The following ATG10 variants were observed in gnomAD, a reference collection of about 807,000 sequenced individuals.
ATG10 encodes autophagy related 10.
Under a neutral mutation model 32.1 loss-of-function variants are expected in ATG10, and 30 were observed. The observed-to-expected ratio is 0.94, with a 90% CI of 0.70 to 1.27. The LOEUF (loss-of-function observed/expected upper bound fraction) is 1.27, where lower values mean the gene tolerates loss of function less well. Among genes scored for constraint, ATG10 ranks in the 50% most tolerant of loss-of-function variants. The pLI is 0.00. For missense variants in ATG10, 233 were observed against 262.3 expected, an observed-to-expected ratio of 0.89 and a Z score of 0.77; for synonymous variants, 87 against 91.5, an observed-to-expected ratio of 0.95 and a Z score of 0.28.
Position 82,120,755 on chromosome 5 carries a change from G to A in ATG10, c.217-43644G>A, listed in dbSNP as rs558015489. Among the ~76,000 whole-genome samples the A allele has an allele frequency of 2.2e-3, 341 of 152,042 alleles. 1 individual carries two copies. The highest frequency in any genetic ancestry group is 7.9e-3 in the African/African-American group (329 of 41,460). On this transcript the variant is annotated intron_variant, in intron 3 of 7. Transcript: ENST00000282185. ...AGGCAACATTCAGTCTCCTTTGGCT[G>A]AGCAGAAGACTAAAGACTTGACCTC...
chr5:82,096,446 C>G (rs1352773620), intron 3 of ATG10, among the ~76,000 whole-genome samples: 2 of 152,150 alleles, frequency 1.3e-5, no homozygotes, highest in East Asian at 3.9e-4. Context: ...GCCTCACAAT[C>G]TTTTCCAGTC....
chr5:82,002,292 C>A (rs1442254513), intron 2 of ATG10, among the ~76,000 whole-genome samples: 1 of 152,096 alleles, frequency 6.6e-6, no homozygotes, highest in Non-Finnish European at 1.5e-5. Context: ...TATCAGGATT[C>A]CAAATATATT....
Position 82,252,656 on chromosome 5 carries a change from A to G in ATG10, c.548A>G (p.Asn183Ser). 2 of 1,560,140 alleles carry G rather than the reference A, an allele frequency of 1.3e-6. No homozygotes were observed. The highest frequency in any genetic ancestry group is 1.8e-6 in the Non-Finnish European group (2 of 1,140,386). ...TPVLKNSQKINKNVNYITSWL... is the reference protein window; with the variant it reads ...TPVLKNSQKISKNVNYITSWL... ...GTATTAAAGAATTCTCAGAAAATCA[A>G]TAAGTAAGAAACACCATCAAGATAC... The change falls in exon 6 of 8, where the codon AAT becomes AGT. Residue 183 changes from asparagine (N) to serine (S), a missense_variant. By Grantham distance (46) the Asn-to-Ser change is conservative. Coordinates refer to ENST00000282185, the MANE Select transcript of ATG10 (RefSeq NM_031482.5).
intron 5 of ATG10, among the ~76,000 whole-genome samples, chr5:82,202,944 G>A (rs1745126641): frequency 6.6e-6 from 1 of 151,956 alleles, no homozygotes; most frequent in South Asian, 2.1e-4. Flanking sequence ...AGAAGTAATG[G>A]GGGGCTGGGT....
intron 3 of ATG10, among the ~76,000 whole-genome samples, chr5:82,095,933 AT>A (rs949064256): frequency 4.6e-5 from 7 of 152,176 alleles, no homozygotes; most frequent in African/African-American, 1.4e-4. Context: ...CAGTGAAAGC[AT>A]TTTTTAACTC....
Position 82,145,398 on chromosome 5 carries a change from T to C in ATG10, c.217-19001T>C, listed in dbSNP as rs183481762. Among the ~76,000 whole-genome samples, 15 of 152,232 alleles carry C rather than the reference T, an allele frequency of 9.9e-5. No individual in the cohort carries two copies. In the East Asian group the frequency reaches 2.9e-3, roughly 29 times the overall value. On this transcript the variant is annotated intron_variant, in intron 3 of 7. Coordinates refer to ENST00000282185, the MANE Select transcript of ATG10 (RefSeq NM_031482.5). ...TCACTTTAATTTGCCTTTTGACTTT[T>C]TAGATACACTTCTTTACATTATTTT...
chr5:82,171,389 C>G (rs1325943749), intron 4 of ATG10, among the ~76,000 whole-genome samples: 1 of 152,126 alleles, frequency 6.6e-6, no homozygotes, highest in East Asian at 1.9e-4. Flanking sequence ...ACATTTTAAG[C>G]TGATAATTTT....
At chr5:82,167,974 T>C (rs1307738500) in intron 4 of ATG10, among the ~76,000 whole-genome samples, 1 of 152,216 alleles carries the variant, frequency 6.6e-6, no homozygotes, top group Non-Finnish European at 1.5e-5. Context: ...TAATTGCACG[T>C]CTGTTGAGTA....
intron 3 of ATG10, among the ~76,000 whole-genome samples, chr5:82,119,376 G>T (rs542194555): frequency 9.7e-4 from 148 of 152,172 alleles, no homozygotes; most frequent in African/African-American, 3.5e-3. Flanking sequence ...AATGCATAAG[G>T]GTATTATTAT....
intron 3 of ATG10, among the ~76,000 whole-genome samples, chr5:82,124,479 G>A (rs989947891): frequency 6.6e-6 from 1 of 151,560 alleles, no homozygotes; most frequent in Non-Finnish European, 1.5e-5. Context: ...GACCTGGTGT[G>A]TGATGTTCCC....
chr5:82,200,838 A>T (rs1385756720), intron 5 of ATG10, among the ~76,000 whole-genome samples: 1 of 150,568 alleles, frequency 6.6e-6, no homozygotes, highest in East Asian at 1.9e-4. Context: ...TTTAATTTGT[A>T]TGAAGTCCAA....
At chr5:82,056,273 T>C (rs1210922657) in intron 2 of ATG10, among the ~76,000 whole-genome samples, 2 of 152,116 alleles carry the variant, frequency 1.3e-5, no homozygotes, top group African/African-American at 4.8e-5. Context: ...AGAAGGGACT[T>C]TTTGGGGCCA....
intron 5 of ATG10, among the ~76,000 whole-genome samples, chr5:82,218,516 T>C (rs1745788105): frequency 6.6e-6 from 1 of 152,168 alleles, no homozygotes; most frequent in Non-Finnish European, 1.5e-5. Context: ...CCATCATCAC[T>C]GGGATATGTC....
chr5:82,081,765 T>C (rs1432879632), intron 3 of ATG10, among the ~76,000 whole-genome samples: 3 of 152,236 alleles, frequency 2.0e-5, no homozygotes, highest in Non-Finnish European at 4.4e-5. Flanking sequence ...TTTGCCAGTA[T>C]TTTATTAAGG....
chr5:82,149,354 TC>T (rs1220689414), intron 3 of ATG10, among the ~76,000 whole-genome samples: 6 of 151,110 alleles, frequency 4.0e-5, no homozygotes, highest in Non-Finnish European at 5.9e-5. Flanking sequence ...GAAATCGCTT[TC>T]CAAATAGATT....
intron 3 of ATG10, among the ~76,000 whole-genome samples, chr5:82,104,810 A>G (rs927784405): frequency 6.6e-6 from 1 of 152,142 alleles, no homozygotes; most frequent in Non-Finnish European, 1.5e-5. Context: ...ATTATATTGA[A>G]TTGTCATATA....
At chr5:82,022,629 CTTTTT>C (rs34410757) in intron 2 of ATG10, among the ~76,000 whole-genome samples, 4 of 135,220 alleles carry the variant, frequency 3.0e-5, no homozygotes, top group African/African-American at 1.1e-4. Context: ...AGCCAGTACT[CTTTTT>C]TTTTTTTTTT....
chr5:82,084,977 A>C (rs1764619371), intron 3 of ATG10, among the ~76,000 whole-genome samples: 1 of 152,194 alleles, frequency 6.6e-6, no homozygotes, highest in Admixed American at 6.5e-5. Context: ...ATTCACACAG[A>C]ACAATATTAA....
At chr5:82,160,009 A>G (rs1040041906) in intron 3 of ATG10, among the ~76,000 whole-genome samples, 1 of 152,072 alleles carries the variant, frequency 6.6e-6, no homozygotes, top group Non-Finnish European at 1.5e-5. Flanking sequence ...TAATCCACTG[A>G]CCTTATTCAG....
Sources: allele counts gnomAD v4.1 joint callset (sites outside exome capture counted in the v4.1 genomes callset), GRCh38; gene constraint gnomAD v4.1.1; transcripts MANE v1.5; gene names NCBI Gene and HGNC (gene_info 2026-07-23, HGNC 2026-07-21).